Variants in SORCS2 observed in about 807,000 individuals in gnomAD.
SORCS2 encodes VPS10 domain-containing receptor SorCS2.
SORCS2 carries 100 observed loss-of-function variants against 141.6 expected under a neutral mutation model. The observed-to-expected ratio is 0.71, with a 90% CI of 0.60 to 0.83. The LOEUF is 0.83. Among genes scored for constraint, SORCS2 ranks in the 40% least tolerant of loss-of-function variants. SORCS2 has a pLI of 0.00. For missense variants in SORCS2, 1,646 were observed against 1,560.2 expected (o/e 1.05, Z -0.93); for synonymous variants, 789 against 676.9 (o/e 1.17, Z -2.57).
At chr4:7,658,608 C>G (rs1721954465) in intron 5 of SORCS2, among the ~76,000 whole-genome samples, 1 of 152,190 alleles carries the variant, frequency 6.6e-6, no homozygotes, top group Admixed American at 6.5e-5. Flanking sequence ...GCTGGTGCCC[C>G]TGTGTTTGAA....
chr4:7,606,191 A>T (rs1718051338), intron 3 of SORCS2, among the ~76,000 whole-genome samples: 1 of 152,160 alleles, frequency 6.6e-6, no homozygotes, highest in African/African-American at 2.4e-5. Context: ...CTTACCTGAC[A>T]ACTCTTTGAA....
In SORCS2 at chr4:7,682,827, G is replaced by A. The variant is rs369677353; in HGVS notation, c.1426G>A (p.Asp476Asn). ...MTLITYNKGR[D>N]WDYLRPPSMD... ...GCTTATAACCTACAACAAGGGCCGC[G>A]ACTGGGATTACCTGAGGCCACCCAG... Residue 476 changes from aspartate (D) to asparagine (N), a missense_variant, in exon 10 of 27, where the codon GAC becomes AAC. By Grantham distance (23) the Asp-to-Asn change is conservative. Transcript: ENST00000507866. 4.9e-5 allele frequency: 79 copies of A among 1,613,048 alleles called. No individual in the cohort carries two copies. Among genetic ancestry groups the A allele is most frequent in the African/African-American group, 8.0e-5 (6 of 74,898 alleles).
At chr4:7,249,199 G>A (rs938212423) in intron 1 of SORCS2, among the ~76,000 whole-genome samples, 6 of 152,168 alleles carry the variant, frequency 3.9e-5, no homozygotes, top group African/African-American at 9.7e-5. Flanking sequence ...AGGCTCAACC[G>A]GGCTGGGTGT....
intron 1 of SORCS2, among the ~76,000 whole-genome samples, chr4:7,274,938 G>A (rs1161148057): frequency 6.6e-6 from 1 of 152,202 alleles, no homozygotes; most frequent in Non-Finnish European, 1.5e-5. Context: ...AATGTGGCAT[G>A]CCCACAACAC....
chr4:7,220,042 A>T (rs1221192177), intron 1 of SORCS2, among the ~76,000 whole-genome samples: 1 of 152,246 alleles, frequency 6.6e-6, no homozygotes, highest in African/African-American at 2.4e-5. Context: ...GAGTACATAC[A>T]GTTTAGAACA....
chr4:7,603,501 G>A (rs979390363), intron 3 of SORCS2, among the ~76,000 whole-genome samples: 1 of 152,068 alleles, frequency 6.6e-6, no homozygotes, highest in Non-Finnish European at 1.5e-5. Flanking sequence ...CAATTATGAT[G>A]TCCTTAATTT....
chr4:7,661,216 ACCCC>A (rs1560464065), intron 5 of SORCS2, among the ~76,000 whole-genome samples: 6 of 129,308 alleles, frequency 4.6e-5, no homozygotes, highest in Non-Finnish European at 9.9e-5. Flanking sequence ...AAGAAACCCA[ACCCC>A]CTCAGCTCAC....
At chr4:7,728,577 C>T (rs1727385312) in intron 22 of SORCS2, 115 bp downstream of exon 22, 3 of 675,184 alleles carry the variant, frequency 4.4e-6, no homozygotes, top group Admixed American at 2.9e-5. Context: ...TGCCCCCGCA[C>T]ACGATGCTCT....
At chr4:7,573,157 G>T (rs1022650520) in intron 3 of SORCS2, among the ~76,000 whole-genome samples, 2 of 152,156 alleles carry the variant, frequency 1.3e-5, no homozygotes, top group Non-Finnish European at 2.9e-5. Flanking sequence ...AGAAAAATGC[G>T]CAATCCACCT....
rs375097965 is a variant in SORCS2, at chr4:7,733,461, G to A, written c.3208+40G>A. On this transcript the variant is annotated intron_variant, in intron 24 of 26. Coordinates refer to ENST00000507866, the MANE Select transcript of SORCS2 (RefSeq NM_020777.3). Reference sequence around the variant, plus strand: ...GCTCCCCTGCGGAATGGGTGGAGGAGGCATCCGGGCCCTGGAGAAGCCATG... The same window carrying A: ...GCTCCCCTGCGGAATGGGTGGAGGAAGCATCCGGGCCCTGGAGAAGCCATG... The A allele has an allele frequency of 2.2e-5, 33 of 1,488,732 alleles. No homozygotes were observed. The Middle Eastern group carries it at 1.2e-3, about 55-fold the overall frequency. The allele number at this position is 1,488,732 out of a possible 1,614,324, so 92.2% of individuals were successfully genotyped here. A position where few individuals can be genotyped will look rare whatever the true frequency, so the allele number is the denominator to read the frequency against.
intron 3 of SORCS2, among the ~76,000 whole-genome samples, chr4:7,556,137 C>G (rs1337450319): frequency 6.6e-6 from 1 of 152,136 alleles, no homozygotes; most frequent in African/African-American, 2.4e-5. Flanking sequence ...GGAGGGGACC[C>G]ACTGGAGGCC....
At chr4:7,274,612 C>T (rs376686596) in intron 1 of SORCS2, among the ~76,000 whole-genome samples, 15 of 152,276 alleles carry the variant, frequency 9.9e-5, no homozygotes, top group East Asian at 5.8e-4. Flanking sequence ...ATGGCAGCAA[C>T]GGGGAGATCT....
intron 2 of SORCS2, among the ~76,000 whole-genome samples, chr4:7,402,871 C>T (rs78610507): frequency 0.047 from 7,166 of 151,964 alleles, 187 homozygotes; most frequent in East Asian, 0.083. Context: ...CTGTGACTCA[C>T]CTGCTCATAT....
intron 3 of SORCS2, among the ~76,000 whole-genome samples, chr4:7,532,942 A>G (rs1179671994): frequency 6.6e-6 from 1 of 151,752 alleles, no homozygotes; most frequent in Non-Finnish European, 1.5e-5. Context: ...TGGGGACACG[A>G]GAGGCGCCTG....
intron 2 of SORCS2, among the ~76,000 whole-genome samples, chr4:7,451,138 G>T (rs1416547687): frequency 6.6e-6 from 1 of 152,250 alleles, no homozygotes; most frequent in African/African-American, 2.4e-5. Context: ...GTGAGTGAGG[G>T]AGTGAAAGAA....
At chr4:7,465,222 C>G (rs573646544) in intron 2 of SORCS2, among the ~76,000 whole-genome samples, 5 of 152,254 alleles carry the variant, frequency 3.3e-5, no homozygotes, top group Non-Finnish European at 7.3e-5. Flanking sequence ...TGGCAACATT[C>G]TCCTGCATTT....
chr4:7,685,661 A>T (rs1353520169), intron 10 of SORCS2, among the ~76,000 whole-genome samples: 1 of 150,098 alleles, frequency 6.7e-6, no homozygotes, highest in Non-Finnish European at 1.5e-5. Flanking sequence ...ACAGAGCGAG[A>T]TTCCACCTCA....
chr4:7,300,569 CAGT>C (rs1226934222), intron 1 of SORCS2, among the ~76,000 whole-genome samples: 1 of 152,218 alleles, frequency 6.6e-6, no homozygotes, highest in African/African-American at 2.4e-5. Context: ...CGCGTTGACA[CAGT>C]AGGTTCTCAC....
intron 3 of SORCS2, among the ~76,000 whole-genome samples, chr4:7,627,705 C>T (rs1719605750): frequency 6.6e-6 from 1 of 152,152 alleles, no homozygotes; most frequent in African/African-American, 2.4e-5. Flanking sequence ...AGTCTTAAGA[C>T]CTTGGGCAGG....
Sources: allele counts gnomAD v4.1 joint callset (sites outside exome capture counted in the v4.1 genomes callset), GRCh38; gene constraint gnomAD v4.1.1; transcripts MANE v1.5; gene names NCBI Gene and HGNC (gene_info 2026-07-23, HGNC 2026-07-21).